DHDDS: variants seen among roughly 807,000 people sequenced by gnomAD.
DHDDS encodes the protein dehydrodolichyl diphosphate synthase complex subunit DHDDS.
Under a neutral mutation model 46.2 loss-of-function variants are expected in DHDDS, and 16 were observed. The observed-to-expected ratio is 0.35, with a 90% confidence interval of 0.23 to 0.53. The LOEUF is 0.53. Ranked by LOEUF, DHDDS falls within the 20% of genes least tolerant of loss-of-function variation. The pLI, the probability that DHDDS is intolerant of heterozygous loss-of-function variation, is 0.94. For synonymous variants in DHDDS, 151 were observed against 163.1 expected, an observed-to-expected ratio of 0.93 and a Z score of 0.56; for missense variants, 340 against 423.7, an observed-to-expected ratio of 0.80 and a Z score of 1.73.
chr1:26,450,015 AGTCAGGTCAACAGTCAGACAGAGAT>A (rs1418011576), intron 6 of DHDDS, among the ~76,000 whole-genome samples: 2 of 152,188 alleles, frequency 1.3e-5, no homozygotes, highest in Non-Finnish European at 2.9e-5. Context: ...GGATTGGTAT[AGTCAGGTCAACAGTCAGACAGAGAT>A]GTCAGGTCAA....
At chr1:26,467,272 CAA>C (rs1557453964) in intron 8 of DHDDS, 1 of 466,322 alleles carries the variant, frequency 2.1e-6, no homozygotes, top group South Asian at 1.6e-5. Flanking sequence ...TCCATATCCT[CAA>C]AAAAAATCCT....
At chr1:26,432,760 T>C in intron 1 of DHDDS, 131 bp from the exon 2 acceptor site, 1 of 637,296 alleles carries the variant, frequency 1.6e-6, no homozygotes, top group East Asian at 2.8e-5. Context: ...TGGTAAAAGA[T>C]TATAGGCTTA....
At chr1:26,459,354 T>C (rs1416744957) in intron 7 of DHDDS, among the ~76,000 whole-genome samples, 1 of 152,188 alleles carries the variant, frequency 6.6e-6, no homozygotes, top group Non-Finnish European at 1.5e-5. Flanking sequence ...ACTAGAGATA[T>C]CAGGCAGTGG....
intron 7 of DHDDS, 102 bp downstream of exon 7, chr1:26,458,007 G>A (rs867956894): frequency 6.0e-6 from 6 of 998,266 alleles, no homozygotes; most frequent in Middle Eastern, 2.1e-4. Flanking sequence ...ACAGGCTGGG[G>A]CCAGAGTACT....
At chr1:26,439,007 C>T (rs575680865) in intron 3 of DHDDS, among the ~76,000 whole-genome samples, 4 of 152,300 alleles carry the variant, frequency 2.6e-5, no homozygotes, top group South Asian at 2.1e-4. Flanking sequence ...TCTCTGCTCA[C>T]GGCAACCTCC....
At position 26,460,129 on chromosome 1, in the gene DHDDS, C is replaced by T. The variant is rs373118655; in HGVS notation, c.750C>T (p.Asn250=). Residue 250 remains asparagine, a synonymous_variant, in exon 8 of 9, where the codon AAC becomes AAT. Coordinates refer to ENST00000236342, the MANE Select transcript of DHDDS (RefSeq NM_205861.3). ...AGGCCATCCTGCAGTTCCAGATGAA[C>T]CATAGCGTGCTTCAGGTAAGAAAGA... The part of the protein sequence containing the change: ...LFEAILQFQM[N]HSVLQKARDM... 6.2e-7 allele frequency: 1 copy of T among 1,613,662 alleles called. No individual in the cohort carries two copies. Among genetic ancestry groups the T allele is most frequent in the Non-Finnish European group, 8.5e-7 (1 of 1,179,640 alleles).
intron 4 of DHDDS, among the ~76,000 whole-genome samples, chr1:26,444,471 G>T (rs1161540655): frequency 1.3e-5 from 2 of 152,320 alleles, no homozygotes; most frequent in East Asian, 1.9e-4. Flanking sequence ...GAGCAAGGTG[G>T]CTCATGCCTG....
At chr1:26,432,574 G>A in intron 1 of DHDDS, 198 bp downstream of exon 1, 1 of 310,286 alleles carries the variant, frequency 3.2e-6, no homozygotes, top group Admixed American at 4.5e-5. Flanking sequence ...GGAGAAGGAA[G>A]AAACGGGGAA....
intron 8 of DHDDS, chr1:26,462,792 A>G (rs529085747): frequency 6.6e-6 from 1 of 152,244 alleles, no homozygotes; most frequent in Non-Finnish European, 1.5e-5. Context: ...GAGTAGTATG[A>G]ATCAGGCACT....
chr1:26,465,234 C>T (rs1393536407), intron 8 of DHDDS, among the ~76,000 whole-genome samples: 1 of 152,156 alleles, frequency 6.6e-6, no homozygotes, highest in African/African-American at 2.4e-5. Flanking sequence ...CACATGTTCC[C>T]ACGAAGCTTC....
chr1:26,441,014 TC>T (rs1160732996), intron 3 of DHDDS, among the ~76,000 whole-genome samples: 1 of 151,432 alleles, frequency 6.6e-6, no homozygotes, highest in African/African-American at 2.4e-5. Flanking sequence ...AACCTCCGCC[TC>T]CCAGGTTCAA....
At chr1:26,450,892 T>A (rs137916621) in intron 6 of DHDDS, among the ~76,000 whole-genome samples, 1 of 152,184 alleles carries the variant, frequency 6.6e-6, no homozygotes, top group African/African-American at 2.4e-5. Context: ...TATTCTTGTA[T>A]GTATGAAATA....
rs907831825 is a variant in DHDDS, at chr1:26,470,824, CT to C, written c.*1694del. The stretch of plus-strand genomic sequence containing the variant: ...AATTAGGGAGGCATGAATTATGCGG[CT>C]ATAATGCAGAGCCCTACAATTAAGG... On this transcript the variant is annotated 3_prime_UTR_variant, in exon 9 of 9. Coordinates refer to ENST00000236342, the MANE Select transcript of DHDDS (RefSeq NM_205861.3). 3 of 152,706 alleles carry C rather than the reference CT, an allele frequency of 2.0e-5. No homozygotes were observed. The highest frequency in any genetic ancestry group is 7.2e-5 in the African/African-American group (3 of 41,450). The allele number at this position is 152,706 out of a possible 1,614,324, so 9.5% of individuals were successfully genotyped here. A position where few individuals can be genotyped will look rare whatever the true frequency, so the allele number is the denominator to read the frequency against.
At chr1:26,455,517 C>T (rs1246079372) in intron 6 of DHDDS, among the ~76,000 whole-genome samples, 4 of 152,210 alleles carry the variant, frequency 2.6e-5, no homozygotes, top group Admixed American at 2.6e-4. Context: ...GAGGCCGAGG[C>T]AGGCAGATCA....
rs1318368351 is a variant in DHDDS, at chr1:26,447,551, C to T, written c.441-8C>T. On this transcript the variant is annotated splice_region_variant and splice_polypyrimidine_tract_variant and intron_variant, in intron 5 of 8. Coordinates refer to ENST00000236342, the MANE Select transcript of DHDDS (RefSeq NM_205861.3). ...CTTTGGTAAATTATTCTCTTCTTCC[C>T]TCCTCAGGTGTTTCCTGAATGTCTG... 1.2e-6 allele frequency: 2 copies of T among 1,608,960 alleles called. No homozygotes were observed. Among genetic ancestry groups the T allele is most frequent in the South Asian group, 2.2e-5 (2 of 90,960 alleles).
chr1:26,433,999 G>A (rs369071311), intron 2 of DHDDS, among the ~76,000 whole-genome samples: 16 of 152,252 alleles, frequency 1.1e-4, no homozygotes, highest in African/African-American at 3.9e-4. Flanking sequence ...CTCCCAAAGT[G>A]CTGGGATTAT....
intron 6 of DHDDS, among the ~76,000 whole-genome samples, chr1:26,453,007 A>T (rs565572529): frequency 7.9e-5 from 12 of 151,958 alleles, no homozygotes; most frequent in African/African-American, 2.9e-4. Context: ...GAGGAGGATT[A>T]CTTGAGCCTA....
Position 26,436,315 on chromosome 1 carries a change from T to G in DHDDS, c.64-1853T>G, listed in dbSNP as rs529328314. 9.9e-5 allele frequency among the ~76,000 whole-genome samples: 15 copies of G among 152,116 alleles called. No homozygotes were observed. The East Asian group carries it at 2.9e-3, about 30-fold the overall frequency. ...TTGGGGAATTGAAGTGGGAGGACCT[T>G]TCTCCTCCCGAAAGGTGGAGGTTGC... is the stretch of plus-strand genomic sequence containing the variant. On this transcript the variant is annotated intron_variant, in intron 2 of 8. Coordinates refer to ENST00000236342, the MANE Select transcript of DHDDS (RefSeq NM_205861.3).
intron 6 of DHDDS, among the ~76,000 whole-genome samples, chr1:26,453,095 C>CAA (rs2075336474): frequency 7.1e-6 from 1 of 140,602 alleles, no homozygotes; most frequent in Non-Finnish European, 1.5e-5. Flanking sequence ...CTGTCTGAAA[C>CAA]ACACACACAC....
Sources: gnomAD v4.1 joint callset for allele counts (sites outside exome capture counted in the v4.1 genomes callset) on GRCh38, gnomAD v4.1.1 for gene constraint, MANE v1.5 for transcripts, NCBI Gene and HGNC (gene_info 2026-07-23, HGNC 2026-07-21) for gene names.